CLMN: variants seen among roughly 807,000 people sequenced by gnomAD.
CLMN encodes the protein calmin (calponin-like, transmembrane).
Under a neutral mutation model 92.7 loss-of-function variants are expected in CLMN, and 57 were observed. That is an observed-to-expected ratio of 0.61 (90% CI 0.50 to 0.77). The LOEUF is 0.77. CLMN is among the 30% of genes least tolerant of loss of function. CLMN has a pLI of 0.00. For missense variants in CLMN, 1,158 were observed against 1,237.5 expected (o/e 0.94, Z 0.96); for synonymous variants, 466 against 470.6 (o/e 0.99, Z 0.13).
intron 2 of CLMN, among the ~76,000 whole-genome samples, chr14:95,225,229 C>T (rs76936782): frequency 0.073 from 11,065 of 151,800 alleles, 478 homozygotes; most frequent in South Asian, 0.15. Flanking sequence ...ATCAACATTG[C>T]ACCTCACATG....
intron 2 of CLMN, among the ~76,000 whole-genome samples, chr14:95,226,716 C>T (rs1481467971): frequency 6.6e-6 from 1 of 152,130 alleles, no homozygotes; most frequent in African/African-American, 2.4e-5. Context: ...GTTGGAACTA[C>T]AGGCACGTGC....
chr14:95,191,980 T>A lies in CLMN; in HGVS notation c.2841-248A>T. 1 of 374,432 alleles carries A rather than the reference T, an allele frequency of 2.7e-6. No homozygotes were observed. The highest frequency in any genetic ancestry group is 4.8e-6 in the Non-Finnish European group (1 of 208,604). The allele number at this position is 374,432 out of a possible 1,614,324, so 23.2% of individuals were successfully genotyped here. A position where few individuals can be genotyped will look rare whatever the true frequency, so the allele number is the denominator to read the frequency against. On this transcript the variant is annotated intron_variant, in intron 12 of 12. Transcript: ENST00000298912. The surrounding 1 kb of genome is among the most constrained non-coding windows in gnomAD (Gnocchi z 5.3). Reference sequence around the variant, plus strand: ...CTCCATAACATCAGGTGAGAGGAGGTGGCAGCCCCATTCTGCAGATGGACA... The same window carrying A: ...CTCCATAACATCAGGTGAGAGGAGGAGGCAGCCCCATTCTGCAGATGGACA...
chr14:95,278,682 T>C (rs531715118), intron 1 of CLMN, among the ~76,000 whole-genome samples: 1 of 152,322 alleles, frequency 6.6e-6, no homozygotes, highest in East Asian at 1.9e-4. Context: ...AGCCTTGATA[T>C]AGGTGGGAAA....
chr14:95,230,583 A>C (rs1205088971), intron 1 of CLMN, among the ~76,000 whole-genome samples: 1 of 152,156 alleles, frequency 6.6e-6, no homozygotes, highest in Non-Finnish European at 1.5e-5. Flanking sequence ...GGGCTCTGGA[A>C]TGTGCCACAG....
At chr14:95,286,787 C>T (rs1006179648) in intron 1 of CLMN, among the ~76,000 whole-genome samples, 1 of 152,140 alleles carries the variant, frequency 6.6e-6, no homozygotes, top group African/African-American at 2.4e-5. Flanking sequence ...AGTTCAAAGG[C>T]CCTGAAGAGA....
At chr14:95,310,329 C>T (rs1222090136) in intron 1 of CLMN, among the ~76,000 whole-genome samples, 6 of 152,238 alleles carry the variant, frequency 3.9e-5, no homozygotes, top group African/African-American at 1.4e-4. Flanking sequence ...CCTGCAGCAG[C>T]ACTGCTCTCA....
intron 1 of CLMN, among the ~76,000 whole-genome samples, chr14:95,289,761 CT>C (rs1248239865): frequency 6.6e-6 from 1 of 152,138 alleles, no homozygotes; most frequent in Non-Finnish European, 1.5e-5. Context: ...TCTCTGTTCC[CT>C]TTTATGCCCA....
chr14:95,317,660 G>A (rs535111420), intron 1 of CLMN, among the ~76,000 whole-genome samples: 58 of 152,074 alleles, frequency 3.8e-4, no homozygotes, highest in Non-Finnish European at 5.4e-4. Context: ...AGGTTCTAGC[G>A]GCAAAACTAA....
At chr14:95,300,969 G>C (rs112819956) in intron 1 of CLMN, among the ~76,000 whole-genome samples, 1 of 152,338 alleles carries the variant, frequency 6.6e-6, no homozygotes, top group African/African-American at 2.4e-5. Context: ...GGTTTGACTT[G>C]AAAATAGGCA....
At chr14:95,261,549 T>C (rs1899256667) in intron 1 of CLMN, among the ~76,000 whole-genome samples, 1 of 152,242 alleles carries the variant, frequency 6.6e-6, no homozygotes, top group Non-Finnish European at 1.5e-5. Context: ...GGTATAGTGC[T>C]GAAGTGCAGA....
Position 95,181,982 on chromosome 14 carries a change from A to G in CLMN, c.*9582T>C, listed in dbSNP as rs1030655022. ...TATTCAAAAATTTTCTTAAGAATAC[A>G]CATGATTTTACAAGATCATTCATCA... is the stretch of plus-strand genomic sequence containing the variant. On this transcript the variant is annotated 3_prime_UTR_variant, in exon 13 of 13. Transcript: ENST00000298912. The G allele has an allele frequency of 5.3e-5, 8 of 152,248 alleles. No individual in the cohort carries two copies. Among genetic ancestry groups the G allele is most frequent in the African/African-American group, 1.9e-4 (8 of 41,464 alleles). 9.4% of individuals were successfully genotyped at this position (152,248 alleles called of 1,614,324 possible). A position where few individuals can be genotyped will look rare whatever the true frequency, so the allele number is the denominator to read the frequency against.
chr14:95,299,258 A>C (rs887515615), intron 1 of CLMN, among the ~76,000 whole-genome samples: 2 of 152,128 alleles, frequency 1.3e-5, no homozygotes, highest in African/African-American at 2.4e-5. Flanking sequence ...GGCTCATCCA[A>C]GTCAGGAGAG....
At chr14:95,233,077 C>T in intron 1 of CLMN, among the ~76,000 whole-genome samples, 2 of 152,318 alleles carry the variant, frequency 1.3e-5, no homozygotes, top group Middle Eastern at 6.8e-3. Context: ...TATGCTTTTA[C>T]CCCCACCTGT....
intron 1 of CLMN, among the ~76,000 whole-genome samples, chr14:95,236,831 G>A (rs1898073297): frequency 6.6e-6 from 1 of 152,184 alleles, no homozygotes; most frequent in Non-Finnish European, 1.5e-5. Flanking sequence ...ATGAGGTTGT[G>A]AGGACCAAGT....
intron 3 of CLMN, 94 bp downstream of exon 3, chr14:95,223,666 T>C (rs1021719341): frequency 1.1e-6 from 1 of 922,328 alleles, no homozygotes; most frequent in Non-Finnish European, 1.6e-6. Flanking sequence ...TTTCTTATTA[T>C]AGGATATGTC....
chr14:95,261,577 T>C (rs1435324777), intron 1 of CLMN, among the ~76,000 whole-genome samples: 1 of 152,238 alleles, frequency 6.6e-6, no homozygotes, highest in Non-Finnish European at 1.5e-5. Flanking sequence ...CAATATTCCC[T>C]GCAGAGAAAA....
intron 1 of CLMN, among the ~76,000 whole-genome samples, chr14:95,231,658 T>C (rs1427813966): frequency 6.6e-6 from 1 of 152,132 alleles, no homozygotes; most frequent in African/African-American, 2.4e-5. Flanking sequence ...CTGAACAGAA[T>C]GCAGCTCAGA....
At chr14:95,217,206 T>G (rs1897378131) in intron 4 of CLMN, among the ~76,000 whole-genome samples, 1 of 152,254 alleles carries the variant, frequency 6.6e-6, no homozygotes, top group Non-Finnish European at 1.5e-5. Context: ...TGCAAAATTC[T>G]GCCTGGTAGA....
rs1168025268 is a variant in CLMN, at chr14:95,299,557, GAC to G, written c.82+20152_82+20153del. On this transcript the variant is annotated intron_variant, in intron 1 of 12. Coordinates refer to ENST00000298912, the MANE Select transcript of CLMN (RefSeq NM_024734.4). ...ACAAGGACTCACAATGCAGTGGGGA[GAC>G]AGCAACCTGTCCACGCCCACTAGGA... Among the ~76,000 whole-genome samples the G allele has an allele frequency of 2.6e-5, 4 of 152,314 alleles. No individual in the cohort carries two copies. In the East Asian group the frequency reaches 7.7e-4, roughly 29 times the overall value.
Sources: allele counts gnomAD v4.1 joint callset (sites outside exome capture counted in the v4.1 genomes callset), GRCh38; gene constraint gnomAD v4.1.1; non-coding constraint Gnocchi (gnomAD v3.1); transcripts MANE v1.5; gene names NCBI Gene and HGNC (gene_info 2026-07-23, HGNC 2026-07-21).